The following FBXL17 variants were observed in gnomAD, a reference collection of about 807,000 sequenced individuals.
FBXL17 encodes the protein F-box and leucine rich repeat protein 17.
A neutral mutation model predicts 66.2 loss-of-function variants in FBXL17; 22 were observed. The observed-to-expected ratio is 0.33, with a 90% CI of 0.24 to 0.47. The LOEUF is 0.47. Ranked by LOEUF, FBXL17 falls within the 20% of genes least tolerant of loss-of-function variation. The pLI is 1.00. For synonymous variants in FBXL17, 474 were observed against 400.5 expected, an observed-to-expected ratio of 1.18 and a Z score of -2.19; for missense variants, 878 against 948.2, an observed-to-expected ratio of 0.93 and a Z score of 0.97.
intron 7 of FBXL17, among the ~76,000 whole-genome samples, chr5:107,993,046 C>T (rs1237024179): frequency 1.3e-5 from 2 of 152,130 alleles, no homozygotes; most frequent in African/African-American, 4.8e-5. Flanking sequence ...CAGGCGCCCG[C>T]CACCACGCCT....
chr5:107,978,572 T>G (rs1170537013), intron 7 of FBXL17, among the ~76,000 whole-genome samples: 2 of 152,202 alleles, frequency 1.3e-5, no homozygotes, highest in Non-Finnish European at 2.9e-5. Context: ...TTCTGGCCAC[T>G]GACTGATTCT....
rs139570252 is a variant in FBXL17, at chr5:107,964,574, T to G, written c.1822+56351A>C. On this transcript the variant is annotated intron_variant, in intron 7 of 8. Coordinates refer to ENST00000542267, the MANE Select transcript of FBXL17 (RefSeq NM_001163315.3). ...ACTTTAAGAATCTTAATAGAACTGA[T>G]AGTCCCCATTAAATTTTGTCCCATT... is the stretch of plus-strand genomic sequence containing the variant. Among the ~76,000 whole-genome samples the G allele has an allele frequency of 2.8e-3, 422 of 152,252 alleles. 2 individuals carry two copies. Among genetic ancestry groups the G allele is most frequent in the African/African-American group, 9.5e-3 (394 of 41,566 alleles).
rs200054083 is a variant in FBXL17 at position 108,027,499 on chromosome 5, CTTTA to C, written c.1746-6502_1746-6499del. 3.2e-3 allele frequency among the ~76,000 whole-genome samples: 486 copies of C among 150,834 alleles called. 11 individuals are homozygous for C. Among genetic ancestry groups the C allele is most frequent in the Non-Finnish European group, 4.7e-4 (32 of 67,980 alleles). ...CAAGAAGCAGAAAAAAGATGCTAAG[CTTTA>C]TTTATTAATTAATTCACTTAATTCA... On this transcript the variant is annotated intron_variant, in intron 6 of 8. Transcript: ENST00000542267.
At chr5:108,120,846 AGAATAGTGCCTG>A (rs1465856450) in intron 6 of FBXL17, among the ~76,000 whole-genome samples, 1 of 152,202 alleles carries the variant, frequency 6.6e-6, no homozygotes, top group Non-Finnish European at 1.5e-5. Flanking sequence ...CTTAGTGCCT[AGAATAGTGCCTG>A]GAAGCACTCA....
chr5:108,174,095 C>A (rs1752703660), intron 6 of FBXL17, among the ~76,000 whole-genome samples: 2 of 152,244 alleles, frequency 1.3e-5, no homozygotes, highest in Non-Finnish European at 2.9e-5. Flanking sequence ...CTATTTCTCA[C>A]CACATTCAGC....
At chr5:108,258,490 C>T (rs1007128066) in intron 4 of FBXL17, among the ~76,000 whole-genome samples, 4 of 152,070 alleles carry the variant, frequency 2.6e-5, no homozygotes, top group African/African-American at 9.7e-5. Context: ...GAAAGAAGCA[C>T]TCAGTTGTTG....
At chr5:108,158,494 CGTGTGTGTGTGTGTCTGT>C (rs1289103402) in intron 6 of FBXL17, among the ~76,000 whole-genome samples, 2 of 118,584 alleles carry the variant, frequency 1.7e-5, no homozygotes, top group African/African-American at 3.0e-5. Context: ...GACAGTGGGG[CGTGTGTGTGTGTGTCTGT>C]GTGTGTGTGT....
chr5:108,288,536 T>C (rs1219700511), intron 4 of FBXL17, among the ~76,000 whole-genome samples: 1 of 152,020 alleles, frequency 6.6e-6, no homozygotes, highest in African/African-American at 2.4e-5. Flanking sequence ...ACATAGTACA[T>C]TATGTAGCTC....
intron 6 of FBXL17, among the ~76,000 whole-genome samples, chr5:108,096,533 C>A (rs1456048203): frequency 6.6e-6 from 1 of 152,130 alleles, no homozygotes; most frequent in Admixed American, 6.5e-5. Flanking sequence ...TAATGGGACA[C>A]AGAGAAGGAG....
intron 4 of FBXL17, among the ~76,000 whole-genome samples, chr5:108,283,539 G>T (rs1452914524): frequency 6.6e-6 from 1 of 151,822 alleles, no homozygotes; most frequent in Non-Finnish European, 1.5e-5. Context: ...ACTCAAGATG[G>T]ATTAAAGACT....
At chr5:108,043,642 C>T (rs1354681699) in intron 6 of FBXL17, among the ~76,000 whole-genome samples, 2 of 152,108 alleles carry the variant, frequency 1.3e-5, no homozygotes, top group Non-Finnish European at 2.9e-5. Flanking sequence ...CATAAAAACT[C>T]CTGAAATTGA....
intron 4 of FBXL17, among the ~76,000 whole-genome samples, chr5:108,309,485 T>TAC (rs1324788655): frequency 6.6e-6 from 1 of 151,928 alleles, no homozygotes; most frequent in African/African-American, 2.4e-5. Flanking sequence ...TCAAGATGCC[T>TAC]ACCAAGATGT....
At chr5:108,323,257 T>C (rs1297755708) in intron 4 of FBXL17, among the ~76,000 whole-genome samples, 1 of 151,316 alleles carries the variant, frequency 6.6e-6, no homozygotes, top group African/African-American at 2.4e-5. Flanking sequence ...TTCAGCAAAG[T>C]TGTAGAATAA....
At chr5:108,073,354 CTTGAG>C (rs1748414955) in intron 6 of FBXL17, among the ~76,000 whole-genome samples, 1 of 151,782 alleles carries the variant, frequency 6.6e-6, no homozygotes, top group East Asian at 1.9e-4. Context: ...AGAAACATGA[CTTGAG>C]TCATGTTTCA....
intron 6 of FBXL17, among the ~76,000 whole-genome samples, chr5:108,040,307 G>A (rs139598100): frequency 1.0e-3 from 152 of 152,198 alleles, no homozygotes; most frequent in African/African-American, 3.3e-3. Flanking sequence ...AAAAAGACAC[G>A]TACATGGTGG....
chr5:108,002,182 A>ATTTTTTTTTTTTTTTTTTTTTT (rs765399250), intron 7 of FBXL17, among the ~76,000 whole-genome samples: 3 of 109,496 alleles, frequency 2.7e-5, no homozygotes, highest in African/African-American at 1.3e-4. Flanking sequence ...CACCCAGCTA[A>ATTTTTTTTTTTTTTTTTTTTTT]TTTTTTTTTT....
chr5:107,882,865 T>C (rs1353112400), intron 7 of FBXL17, among the ~76,000 whole-genome samples: 1 of 152,170 alleles, frequency 6.6e-6, no homozygotes, highest in Non-Finnish European at 1.5e-5. Context: ...GTAGATTTTG[T>C]GCAGTTGTTT....
chr5:108,122,394 A>G (rs2149966187), intron 6 of FBXL17, among the ~76,000 whole-genome samples: 1 of 152,354 alleles, frequency 6.6e-6, no homozygotes, highest in East Asian at 1.9e-4. Flanking sequence ...CTTCATAAAG[A>G]AATACATTTT....
intron 6 of FBXL17, among the ~76,000 whole-genome samples, chr5:108,107,457 G>A (rs1749845345): frequency 6.6e-6 from 1 of 152,124 alleles, no homozygotes; most frequent in Non-Finnish European, 1.5e-5. Context: ...TACATGATCA[G>A]TCATTAATTT....
Sources: gnomAD v4.1 joint callset for allele counts (sites outside exome capture counted in the v4.1 genomes callset) on GRCh38, gnomAD v4.1.1 for gene constraint, MANE v1.5 for transcripts, NCBI Gene and HGNC (gene_info 2026-07-23, HGNC 2026-07-21) for gene names.